The following TIMP2 variants were observed in gnomAD, a reference collection of about 807,000 sequenced individuals.
TIMP2 encodes the protein TIMP metallopeptidase inhibitor 2, also known as metalloproteinase inhibitor 2.
In TIMP2, 5 loss-of-function variants were observed where a neutral mutation model predicts 24.3. That is an observed-to-expected ratio of 0.21 (90% CI 0.11 to 0.43). TIMP2 has a LOEUF of 0.43. Among genes scored for constraint, TIMP2 ranks in the 20% least tolerant of loss-of-function variants. The pLI, the probability that TIMP2 is intolerant of heterozygous loss-of-function variation, is 1.00. For synonymous variants in TIMP2, 130 were observed against 123.2 expected (o/e 1.06, Z -0.37); for missense variants, 221 against 297.5 (o/e 0.74, Z 1.89).
At position 78,919,334 on chromosome 17, in the gene TIMP2, C is replaced by G. The variant is rs80172598; in HGVS notation, c.130+5625G>C. Among the ~76,000 whole-genome samples, 1,995 of 152,318 alleles carry G rather than the reference C, an allele frequency of 0.013. 108 individuals are homozygous for G. In the East Asian group the frequency reaches 0.17, roughly 13 times the overall value. On this transcript the variant is annotated intron_variant, in intron 1 of 4. Transcript: ENST00000262768. ...GGCCCCAATCTCCTTGTGGGTCCCC[C>G]TGAATCCCCAGGCTCCTCTTTGGCC...
intron 2 of TIMP2, among the ~76,000 whole-genome samples, chr17:78,872,690 C>T (rs1346762718): frequency 6.6e-6 from 1 of 152,100 alleles, no homozygotes. Context: ...TTTATGAGGT[C>T]GTAAGAGCAG....
chr17:78,861,651 G>A (rs1476973045), intron 3 of TIMP2, among the ~76,000 whole-genome samples: 2 of 149,788 alleles, frequency 1.3e-5, no homozygotes, highest in African/African-American at 2.5e-5. Flanking sequence ...CACCGAGGCT[G>A]GAGTGCAGCG....
intron 1 of TIMP2, among the ~76,000 whole-genome samples, chr17:78,921,219 C>G (rs1266134377): frequency 6.6e-6 from 1 of 152,152 alleles, no homozygotes; most frequent in African/African-American, 2.4e-5. Flanking sequence ...ACTGTGTCCC[C>G]CAGGAACCAG....
At chr17:78,912,619 C>G (rs561410555) in intron 1 of TIMP2, among the ~76,000 whole-genome samples, 1 of 152,312 alleles carries the variant, frequency 6.6e-6, no homozygotes, top group African/African-American at 2.4e-5. Flanking sequence ...TGACACCCTG[C>G]AGGTTCCACT....
At chr17:78,889,232 T>C (rs918676980) in intron 1 of TIMP2, among the ~76,000 whole-genome samples, 7 of 152,168 alleles carry the variant, frequency 4.6e-5, no homozygotes, top group African/African-American at 1.7e-4. Context: ...TCCCTAAGAC[T>C]GCAATTGGCA....
Position 78,906,702 on chromosome 17 carries a change from C to T in TIMP2, c.130+18257G>A, listed in dbSNP as rs1020245774. On this transcript the variant is annotated intron_variant, in intron 1 of 4. Coordinates refer to ENST00000262768, the MANE Select transcript of TIMP2 (RefSeq NM_003255.5). ...GGTTCACGCGATTCTTGTGCCTCAG[C>T]CTCCCGAGTAGCTGGGATTACAGGC... is the stretch of plus-strand genomic sequence containing the variant. Among the ~76,000 whole-genome samples the T allele has an allele frequency of 1.8e-4, 27 of 152,114 alleles. 1 individual carries two copies. Among genetic ancestry groups the T allele is most frequent in the Non-Finnish European group, 3.5e-4 (24 of 68,038 alleles).
intron 1 of TIMP2, among the ~76,000 whole-genome samples, chr17:78,917,562 T>C (rs943887507): frequency 2.6e-5 from 4 of 152,336 alleles, no homozygotes; most frequent in African/African-American, 4.8e-5. Context: ...ATCTAAGACA[T>C]AGACACCAGG....
intron 1 of TIMP2, among the ~76,000 whole-genome samples, chr17:78,915,551 ACT>A (rs1190801098): frequency 6.7e-6 from 1 of 149,518 alleles, no homozygotes; most frequent in Non-Finnish European, 1.5e-5. Flanking sequence ...ACAGAGTCTC[ACT>A]CTGTCACCCA....
At chr17:78,887,387 A>G (rs1189172539) in intron 1 of TIMP2, among the ~76,000 whole-genome samples, 2 of 151,900 alleles carry the variant, frequency 1.3e-5, no homozygotes, top group Admixed American at 6.6e-5. Flanking sequence ...ATATCTGTAA[A>G]TTTATTTATT....
chr17:78,890,573 C>G, intron 1 of TIMP2: 2 of 1,479,280 alleles, frequency 1.4e-6, no homozygotes, highest in South Asian at 1.3e-5. Flanking sequence ...ATCTTAGAGA[C>G]CCGGGTACCA....
At chr17:78,918,269 C>A (rs1009493846) in intron 1 of TIMP2, among the ~76,000 whole-genome samples, 8 of 152,240 alleles carry the variant, frequency 5.3e-5, no homozygotes, top group Non-Finnish European at 1.2e-4. Context: ...GCTCCGGAAG[C>A]TTTCCCTGGG....
At position 78,873,930 on chromosome 17, in the gene TIMP2, C is replaced by G; in HGVS notation, c.131-11G>C. On this transcript the variant is annotated splice_polypyrimidine_tract_variant and intron_variant, in intron 1 of 4. Transcript: ENST00000262768. ...CTTTGGCCCTGATCACTGCAAAACA[C>G]AAGACACAGAGGTGAGGAGAGTTCC... The G allele has an allele frequency of 6.2e-7, 1 of 1,612,130 alleles. No homozygotes were observed. The highest frequency in any genetic ancestry group is 1.1e-5 in the South Asian group (1 of 91,056).
chr17:78,911,410 A>G (rs933947621), intron 1 of TIMP2, among the ~76,000 whole-genome samples: 4 of 151,604 alleles, frequency 2.6e-5, no homozygotes, highest in Non-Finnish European at 5.9e-5. Flanking sequence ...GAGCCCCTCC[A>G]GTGCTTTTGT....
At chr17:78,870,080 T>C (rs2069662630) in intron 3 of TIMP2, among the ~76,000 whole-genome samples, 2 of 152,158 alleles carry the variant, frequency 1.3e-5, no homozygotes, top group South Asian at 4.1e-4. Flanking sequence ...GTGGTGATGG[T>C]TGCACAATAG....
At chr17:78,892,290 C>T (rs746462471) in intron 1 of TIMP2, 42 of 1,550,604 alleles carry the variant, frequency 2.7e-5, no homozygotes, top group East Asian at 4.9e-5. Flanking sequence ...AGCAGGTCTT[C>T]GTTATCAGGA....
intron 1 of TIMP2, chr17:78,890,651 TG>T: frequency 1.3e-6 from 2 of 1,550,236 alleles, no homozygotes; most frequent in Non-Finnish European, 1.7e-6. Context: ...GCATATGTTC[TG>T]AAACTCCCGC....
chr17:78,889,665 C>T (rs1047636984), intron 1 of TIMP2, among the ~76,000 whole-genome samples: 2 of 152,176 alleles, frequency 1.3e-5, no homozygotes, highest in African/African-American at 4.8e-5. Context: ...TCCATCTGTG[C>T]CTGTGGCCCC....
chr17:78,891,476 A>C lies in TIMP2; in HGVS notation c.131-17557T>G, dbSNP rs1288371153. ...TATATTAAACAACTCTTCAAAGGCC[A>C]ACTCCAGCTCTTTCTGCCACTTGTT... On this transcript the variant is annotated intron_variant, in intron 1 of 4. Coordinates refer to ENST00000262768, the MANE Select transcript of TIMP2 (RefSeq NM_003255.5). This position sits in a 1 kb window ranked among gnomAD's most constrained non-coding sequence, Gnocchi z 4.5. 1 of 1,551,154 alleles carries C rather than the reference A, an allele frequency of 6.4e-7. No homozygotes were observed. Among genetic ancestry groups the C allele is most frequent in the South Asian group, 1.2e-5 (1 of 84,056 alleles).
Position 78,858,486 on chromosome 17 carries a change from T to C in TIMP2, c.341-840A>G, listed in dbSNP as rs1161976477. On this transcript the variant is annotated intron_variant, in intron 3 of 4. Transcript: ENST00000262768. ...AAAAGAAAAAAATTCCCTACTTTCA[T>C]TACCCACAGCTAATATTTTGATGTA... Among the ~76,000 whole-genome samples, 4 of 152,020 alleles carry C rather than the reference T, an allele frequency of 2.6e-5. No homozygotes were observed. In the East Asian group the frequency reaches 5.8e-4, roughly 22 times the overall value.
Sources: gnomAD v4.1 joint callset for allele counts (sites outside exome capture counted in the v4.1 genomes callset) on GRCh38, gnomAD v4.1.1 for gene constraint, Gnocchi (gnomAD v3.1) non-coding constraint, MANE v1.5 for transcripts, NCBI Gene and HGNC (gene_info 2026-07-23, HGNC 2026-07-21) for gene names.